Variants in C16orf87 observed in about 807,000 individuals in gnomAD.
C16orf87 encodes the protein HDAC and MIER1 interacting protein 1, also known as UPF0547 protein C16orf87.
Under a neutral mutation model 21.0 loss-of-function variants are expected in C16orf87, and 13 were observed. The ratio of observed to expected loss-of-function variants is 0.62; its 90% CI spans 0.40 to 0.98. The LOEUF (loss-of-function observed/expected upper bound fraction) is 0.98. C16orf87 is among the 50% of genes least tolerant of loss of function. C16orf87 has a pLI of 0.00. For missense variants in C16orf87, 113 were observed against 180.4 expected, an observed-to-expected ratio of 0.63 and a Z score of 2.14; for synonymous variants, 49 against 60.2, an observed-to-expected ratio of 0.81 and a Z score of 0.86.
chr16:46,798,503 G>C lies in C16orf87; in HGVS notation c.*4449C>G, dbSNP rs1162390793. 6.6e-6 allele frequency: 1 copy of C among 152,292 alleles called. No individual in the cohort carries two copies. The highest frequency in any genetic ancestry group is 6.5e-5 in the Admixed American group (1 of 15,284). The allele number at this position is 152,292 out of a possible 1,614,324, so 9.4% of individuals were successfully genotyped here. On this transcript the variant is annotated 3_prime_UTR_variant, in exon 4 of 4. Transcript: ENST00000285697. ...TGCCCTCCAGCCTGGGCGACAGAGC[G>C]AGACTGTAATCCCAACACTTTGGGA...
At chr16:46,815,480 A>G (rs1968214518) in intron 2 of C16orf87, among the ~76,000 whole-genome samples, 1 of 152,088 alleles carries the variant, frequency 6.6e-6, no homozygotes, top group South Asian at 2.1e-4. Context: ...ATGGGAGAAA[A>G]TATATGCAAA....
chr16:46,809,204 C>T (rs373723431), intron 3 of C16orf87, among the ~76,000 whole-genome samples: 3 of 151,078 alleles, frequency 2.0e-5, no homozygotes, highest in Non-Finnish European at 4.4e-5. Context: ...GGAGAATCAC[C>T]GGAGCCCTGG....
chr16:46,817,006 T>C (rs751444852), intron 2 of C16orf87, among the ~76,000 whole-genome samples: 1 of 152,206 alleles, frequency 6.6e-6, no homozygotes, highest in Non-Finnish European at 1.5e-5. Context: ...GATGACATCA[T>C]TGAGCCAATA....
intron 2 of C16orf87, among the ~76,000 whole-genome samples, chr16:46,814,616 A>C (rs376773244): frequency 5.9e-5 from 9 of 152,302 alleles, no homozygotes; most frequent in Non-Finnish European, 1.2e-4. Context: ...AGACGTTTAA[A>C]ACAGTGTAGG....
intron 2 of C16orf87, among the ~76,000 whole-genome samples, chr16:46,821,147 C>T (rs941684304): frequency 2.0e-5 from 3 of 152,188 alleles, no homozygotes; most frequent in Non-Finnish European, 2.9e-5. Flanking sequence ...ATTGTAAAAA[C>T]GAGAATTACT....
rs1959715551 is a variant in C16orf87, at chr16:46,828,544, AATG to A, written c.66+2537_66+2539del. On this transcript the variant is annotated intron_variant, in intron 1 of 3. Coordinates refer to ENST00000285697, the MANE Select transcript of C16orf87 (RefSeq NM_001001436.4). ...AGGACTGTGGTTTAAGATGTTTTAG[AATG>A]ATATGTTCAATAGAAGCCTGCAAAG... 3.3e-5 allele frequency among the ~76,000 whole-genome samples: 5 copies of A among 152,328 alleles called. No homozygotes were observed. In the South Asian group the frequency reaches 1.0e-3, roughly 32 times the overall value.
At chr16:46,810,540 A>G (rs1353668637) in intron 2 of C16orf87, among the ~76,000 whole-genome samples, 1 of 152,190 alleles carries the variant, frequency 6.6e-6, no homozygotes, top group Non-Finnish European at 1.5e-5. Context: ...AAAAGCAAGA[A>G]AGAGAATTCC....
At chr16:46,807,118 A>C (rs2143060526) in intron 3 of C16orf87, among the ~76,000 whole-genome samples, 1 of 152,364 alleles carries the variant, frequency 6.6e-6, no homozygotes, top group Middle Eastern at 3.4e-3. Flanking sequence ...CATTATATTT[A>C]AGAGTACAAT....
intron 2 of C16orf87, among the ~76,000 whole-genome samples, chr16:46,811,210 AAGAG>A (rs1968072742): frequency 6.6e-6 from 1 of 152,132 alleles, no homozygotes. Context: ...ACATCACTAA[AAGAG>A]AGAAGCAGGC....
At chr16:46,822,454 G>GT (rs1046806634) in intron 2 of C16orf87, among the ~76,000 whole-genome samples, 2 of 152,162 alleles carry the variant, frequency 1.3e-5, no homozygotes, top group African/African-American at 4.8e-5. Context: ...CTCTCAGAGA[G>GT]TAAGATCCAG....
At position 46,801,993 on chromosome 16, in the gene C16orf87, T is replaced by G. The variant is rs762155090; in HGVS notation, c.*959A>C. Reference sequence around the variant, plus strand: ...TAGAAAAATTAAGAATTTAAATATATTTCACAAACTTCACCAGAACAAAAA... The same window carrying G: ...TAGAAAAATTAAGAATTTAAATATAGTTCACAAACTTCACCAGAACAAAAA... On this transcript the variant is annotated 3_prime_UTR_variant, in exon 4 of 4. Transcript: ENST00000285697. The G allele has an allele frequency of 6.6e-6, 1 of 152,180 alleles. No individual in the cohort carries two copies. Among genetic ancestry groups the G allele is most frequent in the Non-Finnish European group, 1.5e-5 (1 of 68,020 alleles). 9.4% of individuals were successfully genotyped at this position (152,180 alleles called of 1,614,324 possible). A position where few individuals can be genotyped will look rare whatever the true frequency, so the allele number is the denominator to read the frequency against.
chr16:46,807,960 C>G, intron 3 of C16orf87: 1 of 450,408 alleles, frequency 2.2e-6, no homozygotes. Context: ...CTCATCTTCT[C>G]TCACCCACCA....
At chr16:46,812,956 C>G (rs1360641235) in intron 2 of C16orf87, among the ~76,000 whole-genome samples, 2 of 152,202 alleles carry the variant, frequency 1.3e-5, no homozygotes, top group Admixed American at 1.3e-4. Flanking sequence ...CCAGTTTCTT[C>G]ACCTCATCAG....
chr16:46,823,617 T>C (rs1236478233), intron 2 of C16orf87, among the ~76,000 whole-genome samples: 2 of 152,014 alleles, frequency 1.3e-5, no homozygotes, highest in African/African-American at 4.8e-5. Flanking sequence ...AACCAAGCTA[T>C]ATTTTTCAAC....
intron 3 of C16orf87, among the ~76,000 whole-genome samples, chr16:46,807,031 A>G (rs1046218734): frequency 6.6e-6 from 1 of 152,274 alleles, no homozygotes; most frequent in African/African-American, 2.4e-5. Flanking sequence ...AAACACAGAC[A>G]TTTCAAAAGT....
At chr16:46,824,537 C>A (rs1048216072) in intron 1 of C16orf87, 55 bp from the exon 2 acceptor site, 1 of 757,900 alleles carries the variant, frequency 1.3e-6, no homozygotes, top group Non-Finnish European at 2.1e-6. Context: ...TGTTAAATTT[C>A]TCAGTGTCTA....
intron 2 of C16orf87, among the ~76,000 whole-genome samples, chr16:46,819,386 T>A (rs968231805): frequency 1.3e-5 from 2 of 152,044 alleles, no homozygotes; most frequent in African/African-American, 4.8e-5. Flanking sequence ...GTGCCCAGCC[T>A]GTAACCTCCG....
chr16:46,813,897 T>C (rs1968169716), intron 2 of C16orf87, among the ~76,000 whole-genome samples: 1 of 152,218 alleles, frequency 6.6e-6, no homozygotes, highest in African/African-American at 2.4e-5. Context: ...TCCATCAAAA[T>C]ATAGGCTTTA....
chr16:46,812,605 C>T (rs1217150165), intron 2 of C16orf87, among the ~76,000 whole-genome samples: 1 of 152,188 alleles, frequency 6.6e-6, no homozygotes, highest in African/African-American at 2.4e-5. Context: ...GTTAAAAGAA[C>T]TAGTGATAGA....
Sources: allele counts gnomAD v4.1 joint callset (sites outside exome capture counted in the v4.1 genomes callset), GRCh38; gene constraint gnomAD v4.1.1; transcripts MANE v1.5; gene names NCBI Gene and HGNC (gene_info 2026-07-23, HGNC 2026-07-21).